TTC27: variants seen among roughly 807,000 people sequenced by gnomAD.
TTC27 encodes the protein tetratricopeptide repeat domain 27.
Under a neutral mutation model 115.9 loss-of-function variants are expected in TTC27, and 79 were observed. The observed-to-expected ratio is 0.68, with a 90% confidence interval of 0.57 to 0.82. The LOEUF (loss-of-function observed/expected upper bound fraction) is 0.82. Ranked by LOEUF, TTC27 falls within the 40% of genes least tolerant of loss-of-function variation. TTC27 has a pLI of 0.00. For missense variants in TTC27, 1,054 were observed against 993.1 expected (o/e 1.06, Z -0.82); for synonymous variants, 401 against 356.0 (o/e 1.13, Z -1.42).
At chr2:32,737,295 A>G (rs531172956) in intron 12 of TTC27, among the ~76,000 whole-genome samples, 1 of 152,286 alleles carries the variant, frequency 6.6e-6, no homozygotes, top group African/African-American at 2.4e-5. Context: ...CCAGGAGGGA[A>G]AATGTTGCAA....
chr2:32,815,278 C>A (rs1572638383), intron 18 of TTC27, among the ~76,000 whole-genome samples: 1 of 119,202 alleles, frequency 8.4e-6, no homozygotes, highest in East Asian at 2.6e-4. Context: ...GCTCTGTCGC[C>A]CAGGCTGGAG....
intron 3 of TTC27, among the ~76,000 whole-genome samples, chr2:32,639,891 C>G (rs528861528): frequency 1.1e-4 from 17 of 152,234 alleles, no homozygotes; most frequent in African/African-American, 4.1e-4. Context: ...GGAGTCCCAG[C>G]TATTCGCCCA....
intron 19 of TTC27, among the ~76,000 whole-genome samples, chr2:32,820,233 G>A (rs541469463): frequency 6.6e-6 from 1 of 152,192 alleles, no homozygotes; most frequent in Non-Finnish European, 1.5e-5. Context: ...GGCTCAGCAG[G>A]CAGTTCCTGG....
chr2:32,761,426 G>A (rs916540601), intron 13 of TTC27, among the ~76,000 whole-genome samples: 1 of 151,984 alleles, frequency 6.6e-6, no homozygotes, highest in African/African-American at 2.4e-5. Flanking sequence ...ATTCTCAAAG[G>A]ACATCCACAT....
chr2:32,712,845 C>A (rs947993330), intron 10 of TTC27, among the ~76,000 whole-genome samples: 4 of 152,174 alleles, frequency 2.6e-5, no homozygotes, highest in Admixed American at 6.5e-5. Flanking sequence ...CTGCACCCAG[C>A]CTTAAATTCT....
intron 13 of TTC27, among the ~76,000 whole-genome samples, chr2:32,761,236 C>T (rs995831683): frequency 7.2e-5 from 11 of 152,106 alleles, no homozygotes; most frequent in Non-Finnish European, 1.0e-4. Context: ...TCCTCTTACC[C>T]GTATACCCCA....
At chr2:32,689,561 C>A (rs983907290) in intron 9 of TTC27, among the ~76,000 whole-genome samples, 3 of 152,090 alleles carry the variant, frequency 2.0e-5, no homozygotes, top group Non-Finnish European at 2.9e-5. Context: ...CAAAATCAAG[C>A]TAGTTTTCCC....
At chr2:32,766,824 C>T (rs1484052193) in intron 13 of TTC27, among the ~76,000 whole-genome samples, 3 of 152,120 alleles carry the variant, frequency 2.0e-5, no homozygotes, top group Non-Finnish European at 4.4e-5. Flanking sequence ...CTCACTCTGT[C>T]ACTCAGGCTG....
At chr2:32,645,100 A>T (rs1664805776) in intron 4 of TTC27, among the ~76,000 whole-genome samples, 1 of 152,058 alleles carries the variant, frequency 6.6e-6, no homozygotes, top group Admixed American at 6.6e-5. Flanking sequence ...TTAACCTTTT[A>T]AATTAATTTT....
chr2:32,679,787 G>A (rs780844462), intron 9 of TTC27, among the ~76,000 whole-genome samples: 2 of 152,108 alleles, frequency 1.3e-5, no homozygotes, highest in Non-Finnish European at 2.9e-5. Context: ...GAGATCAGGG[G>A]TTCGGACCAG....
intron 8 of TTC27, among the ~76,000 whole-genome samples, chr2:32,673,332 C>A (rs532821411): frequency 8.2e-4 from 125 of 151,562 alleles, no homozygotes; most frequent in African/African-American, 2.8e-3. Flanking sequence ...TCAAGCGATT[C>A]TCTTGCCTCA....
At chr2:32,674,695 G>A (rs1481687367) in intron 8 of TTC27, among the ~76,000 whole-genome samples, 11 of 144,206 alleles carry the variant, frequency 7.6e-5, no homozygotes, top group African/African-American at 2.3e-4. Flanking sequence ...GTCTCGCTGT[G>A]TCACCCCAGG....
At chr2:32,718,720 A>G (rs985375548) in intron 10 of TTC27, among the ~76,000 whole-genome samples, 1 of 152,164 alleles carries the variant, frequency 6.6e-6, no homozygotes, top group African/African-American at 2.4e-5. Flanking sequence ...CACTGAAGGC[A>G]GGGCTGACTG....
intron 2 of TTC27, among the ~76,000 whole-genome samples, chr2:32,633,001 T>G (rs534513576): frequency 6.6e-6 from 1 of 152,180 alleles, no homozygotes; most frequent in Admixed American, 6.5e-5. Context: ...GACTGAAAAA[T>G]AGAGTTTTCA....
chr2:32,669,770 C>A (rs1303956174), intron 7 of TTC27, among the ~76,000 whole-genome samples: 1 of 150,470 alleles, frequency 6.6e-6, no homozygotes, highest in Non-Finnish European at 1.5e-5. Flanking sequence ...CCTGTAATTC[C>A]AGCTACTTGG....
intron 11 of TTC27, among the ~76,000 whole-genome samples, chr2:32,735,201 A>G (rs556132381): frequency 3.3e-5 from 5 of 152,332 alleles, no homozygotes; most frequent in African/African-American, 1.2e-4. Context: ...CAGTTTACAT[A>G]TTGAAGGAAT....
intron 4 of TTC27, among the ~76,000 whole-genome samples, chr2:32,643,669 A>G (rs571197638): frequency 2.9e-4 from 44 of 152,202 alleles, no homozygotes; most frequent in Admixed American, 9.2e-4. Flanking sequence ...TTTTCTTTCT[A>G]GTGAGAACTT....
intron 16 of TTC27, among the ~76,000 whole-genome samples, chr2:32,793,691 T>C (rs1237943657): frequency 6.6e-6 from 1 of 151,990 alleles, no homozygotes; most frequent in Non-Finnish European, 1.5e-5. Context: ...CCCGGCTAAT[T>C]TTTGTATTTT....
At chr2:32,663,522 A>G (rs546753990) in intron 5 of TTC27, among the ~76,000 whole-genome samples, 171 of 152,122 alleles carry the variant, frequency 1.1e-3, no homozygotes, top group African/African-American at 3.9e-3. Flanking sequence ...TCCCAGTGAG[A>G]TGAGCCTGGT....
Sources: allele counts gnomAD v4.1 joint callset (sites outside exome capture counted in the v4.1 genomes callset), GRCh38; gene constraint gnomAD v4.1.1; transcripts MANE v1.5; gene names NCBI Gene and HGNC (gene_info 2026-07-23, HGNC 2026-07-21).